PTPN1: variants seen among roughly 807,000 people sequenced by gnomAD.
The protein encoded by PTPN1 is protein tyrosine phosphatase non-receptor type 1.
A neutral mutation model predicts 59.9 loss-of-function variants in PTPN1; 12 were observed. The ratio of observed to expected loss-of-function variants is 0.20; its 90% confidence interval spans 0.13 to 0.32. The LOEUF (loss-of-function observed/expected upper bound fraction) is 0.32. Ranked by LOEUF, PTPN1 falls within the 10% of genes least tolerant of loss-of-function variation. PTPN1 has a pLI of 1.00. For missense variants in PTPN1, 356 were observed against 549.2 expected (o/e 0.65, Z 3.52); for synonymous variants, 178 against 203.6 (o/e 0.87, Z 1.07).
At chr20:50,546,997 T>TA (rs2082678746) in intron 1 of PTPN1, among the ~76,000 whole-genome samples, 1 of 152,242 alleles carries the variant, frequency 6.6e-6, no homozygotes, top group Admixed American at 6.5e-5. Flanking sequence ...TTTAATTTTT[T>TA]AGACTGTTCT....
intron 1 of PTPN1, among the ~76,000 whole-genome samples, chr20:50,548,205 A>G (rs972603777): frequency 6.6e-5 from 10 of 151,892 alleles, no homozygotes; most frequent in African/African-American, 2.2e-4. Flanking sequence ...GTAGCTTTCA[A>G]TTTGCTCATG....
intron 4 of PTPN1, among the ~76,000 whole-genome samples, chr20:50,570,682 C>T (rs2082803798): frequency 1.3e-5 from 2 of 152,218 alleles, no homozygotes; most frequent in Admixed American, 1.3e-4. Flanking sequence ...GCTTCTGACC[C>T]TCAGCACTAC....
At chr20:50,517,497 C>G (rs2082533961) in intron 1 of PTPN1, among the ~76,000 whole-genome samples, 2 of 152,106 alleles carry the variant, frequency 1.3e-5, no homozygotes, top group African/African-American at 4.8e-5. Flanking sequence ...GGGCTTAAGC[C>G]ATCTGTCTGC....
chr20:50,568,600 A>G lies in PTPN1; in HGVS notation c.354+122A>G, dbSNP rs1399948777. 6 of 761,064 alleles carry G rather than the reference A, an allele frequency of 7.9e-6. No homozygotes were observed. Among genetic ancestry groups the G allele is most frequent in the Non-Finnish European group, 1.3e-5 (6 of 466,426 alleles). The allele number at this position is 761,064 out of a possible 1,614,324, so 47.1% of individuals were successfully genotyped here. ...TGTATTTCCTTTACGTAGTATTTTT[A>G]TTTAAAAAAATTAAAACAGCAGCAT... is the stretch of plus-strand genomic sequence containing the variant. On this transcript the variant is annotated intron_variant, in intron 4 of 9. Coordinates refer to ENST00000371621, the MANE Select transcript of PTPN1 (RefSeq NM_002827.4). The surrounding 1 kb of genome is among the most constrained non-coding windows in gnomAD (Gnocchi z 5.6).
At position 50,524,347 on chromosome 20, in the gene PTPN1, T is replaced by A. The variant is rs531824521; in HGVS notation, c.63+13757T>A. Among the ~76,000 whole-genome samples the A allele has an allele frequency of 2.6e-5, 4 of 152,286 alleles. No homozygotes were observed. In the East Asian group the frequency reaches 7.7e-4, roughly 29 times the overall value. ...GTGATAACTTTTATCCAAGTATGTA[T>A]GCAGATAATCTTTGATTTGTACAAA... On this transcript the variant is annotated intron_variant, in intron 1 of 9. Transcript: ENST00000371621.
chr20:50,580,387 G>A (rs1211013856), intron 8 of PTPN1, among the ~76,000 whole-genome samples: 1 of 152,156 alleles, frequency 6.6e-6, no homozygotes, highest in Non-Finnish European at 1.5e-5. Flanking sequence ...CCATTATTGA[G>A]TACCTATTGA....
intron 1 of PTPN1, among the ~76,000 whole-genome samples, chr20:50,552,213 C>T (rs1057048037): frequency 9.9e-5 from 15 of 152,250 alleles, no homozygotes; most frequent in African/African-American, 3.1e-4. Context: ...TAGGTCCTAT[C>T]ACCCCTCAAT....
chr20:50,543,946 A>G (rs1250174228), intron 1 of PTPN1, among the ~76,000 whole-genome samples: 4 of 152,116 alleles, frequency 2.6e-5, no homozygotes, highest in African/African-American at 7.2e-5. Context: ...CCTGAGTTCA[A>G]GCAATTCTCC....
intron 4 of PTPN1, among the ~76,000 whole-genome samples, chr20:50,570,286 CAT>C (rs2082801464): frequency 6.6e-6 from 1 of 152,116 alleles, no homozygotes; most frequent in Non-Finnish European, 1.5e-5. Flanking sequence ...TGTTTAAAAT[CAT>C]AGGGGTTTGG....
intron 1 of PTPN1, among the ~76,000 whole-genome samples, chr20:50,529,634 A>G (rs1343498626): frequency 2.0e-5 from 3 of 152,168 alleles, no homozygotes; most frequent in South Asian, 2.1e-4. Flanking sequence ...TCCTTAGTTC[A>G]GCCCTGAAGA....
chr20:50,541,032 A>C (rs1192880702), intron 1 of PTPN1, among the ~76,000 whole-genome samples: 1 of 152,168 alleles, frequency 6.6e-6, no homozygotes, highest in Admixed American at 6.5e-5. Flanking sequence ...AATGTACTAC[A>C]TTCCGTCTCA....
At chr20:50,530,124 T>G (rs2082594244) in intron 1 of PTPN1, among the ~76,000 whole-genome samples, 1 of 151,886 alleles carries the variant, frequency 6.6e-6, no homozygotes. Context: ...TCCACCTGCC[T>G]TGGCCTCCCA....
At chr20:50,514,772 G>T (rs1386617583) in intron 1 of PTPN1, among the ~76,000 whole-genome samples, 1 of 152,176 alleles carries the variant, frequency 6.6e-6, no homozygotes, top group Non-Finnish European at 1.5e-5. Flanking sequence ...GGCTGGGCAT[G>T]TTACTTTATG....
chr20:50,528,585 G>T (rs1321027013), intron 1 of PTPN1, among the ~76,000 whole-genome samples: 1 of 151,758 alleles, frequency 6.6e-6, no homozygotes, highest in Non-Finnish European at 1.5e-5. Context: ...GTGGTGGCGG[G>T]TGCCTGTAGT....
In PTPN1 at chr20:50,510,389, A is replaced by G; in HGVS notation, c.-139A>G. 1.1e-6 allele frequency: 1 copy of G among 873,618 alleles called. No homozygotes were observed. The highest frequency in any genetic ancestry group is 3.0e-5 in the Admixed American group (1 of 33,794). 54.1% of individuals were successfully genotyped at this position (873,618 alleles called of 1,614,324 possible). The stretch of plus-strand genomic sequence containing the variant: ...GTTCCGGCTGCCGGTTGACATGAAG[A>G]AGCAGCAGCGGCTAGGGCGGCGGTA... On this transcript the variant is annotated 5_prime_UTR_variant, in exon 1 of 10. Transcript: ENST00000371621.
chr20:50,582,900 T>G lies in PTPN1; in HGVS notation c.*185T>G. ...GATGTGTGTCTCACCCCTCATCCTT[T>G]TACTTTTTGCCCCTTCCACTTTGAG... On this transcript the variant is annotated 3_prime_UTR_variant, in exon 10 of 10. Coordinates refer to ENST00000371621, the MANE Select transcript of PTPN1 (RefSeq NM_002827.4). The surrounding 1 kb of genome is among the most constrained non-coding windows in gnomAD (Gnocchi z 4.2). The G allele has an allele frequency of 1.5e-6, 1 of 670,536 alleles. No individual in the cohort carries two copies. Among genetic ancestry groups the G allele is most frequent in the Non-Finnish European group, 2.6e-6 (1 of 391,964 alleles). 41.5% of individuals were successfully genotyped at this position (670,536 alleles called of 1,614,324 possible).
At chr20:50,516,257 A>C (rs1177709770) in intron 1 of PTPN1, among the ~76,000 whole-genome samples, 1 of 151,928 alleles carries the variant, frequency 6.6e-6, no homozygotes, top group African/African-American at 2.4e-5. Context: ...TGGTAATGAC[A>C]TTCTTTGGCC....
intron 1 of PTPN1, among the ~76,000 whole-genome samples, chr20:50,520,091 G>A (rs563832464): frequency 6.6e-6 from 1 of 152,278 alleles, no homozygotes; most frequent in Admixed American, 6.5e-5. Context: ...TTTGATTCCG[G>A]CCGGGCATGG....
In PTPN1 at chr20:50,556,230, A is replaced by T. The variant is rs78692856; in HGVS notation, c.64-5133A>T. Reference sequence around the variant, plus strand: ...GGTCTCACTCTGCTGCCCAGGCTGGAGAGGCTAGAGTGCAGTGATGTGTTT... The same window carrying T: ...GGTCTCACTCTGCTGCCCAGGCTGGTGAGGCTAGAGTGCAGTGATGTGTTT... On this transcript the variant is annotated intron_variant, in intron 1 of 9. Coordinates refer to ENST00000371621, the MANE Select transcript of PTPN1 (RefSeq NM_002827.4). 3.5e-4 allele frequency among the ~76,000 whole-genome samples: 53 copies of T among 152,120 alleles called. No homozygotes were observed. In the East Asian group the frequency reaches 8.7e-3, roughly 25 times the overall value.
Sources: gnomAD v4.1 joint callset for allele counts (sites outside exome capture counted in the v4.1 genomes callset) on GRCh38, gnomAD v4.1.1 for gene constraint, Gnocchi (gnomAD v3.1) non-coding constraint, MANE v1.5 for transcripts, NCBI Gene and HGNC (gene_info 2026-07-23, HGNC 2026-07-21) for gene names.